The following TRAF3 variants were observed in gnomAD, a reference collection of about 807,000 sequenced individuals.
The protein encoded by TRAF3 is TNF receptor associated factor 3, also known as TNF receptor-associated factor 3.
TRAF3 carries 13 observed loss-of-function variants against 62.3 expected under a neutral mutation model. The observed-to-expected ratio is 0.21, with a 90% CI of 0.14 to 0.33. TRAF3 has a LOEUF of 0.33. Among genes scored for constraint, TRAF3 ranks in the 10% least tolerant of loss-of-function variants. TRAF3 has a pLI of 1.00. For missense variants in TRAF3, 440 were observed against 741.8 expected, an observed-to-expected ratio of 0.59 and a Z score of 4.73; for synonymous variants, 269 against 283.4, an observed-to-expected ratio of 0.95 and a Z score of 0.51.
chr14:102,887,005 A>G (rs1373995627), intron 7 of TRAF3, among the ~76,000 whole-genome samples: 2 of 152,240 alleles, frequency 1.3e-5, no homozygotes, highest in Non-Finnish European at 1.5e-5. Context: ...TAGGGCTGCC[A>G]GAAGGGCCCC....
chr14:102,897,480 T>G lies in TRAF3; in HGVS notation c.960+79T>G, dbSNP rs564534651. 125 of 1,563,486 alleles carry G rather than the reference T, an allele frequency of 8.0e-5. 2 individuals are homozygous for G. In the South Asian group the frequency reaches 1.4e-3, roughly 17 times the overall value. On this transcript the variant is annotated intron_variant, in intron 10 of 11. Coordinates refer to ENST00000392745, the MANE Select transcript of TRAF3 (RefSeq NM_145725.3). Reference sequence around the variant, plus strand: ...TCCCCTTAAGGGTTTCTTAGCAAACTCTTTGAGCTGAGTCCTTGACCTTTG... The same window carrying G: ...TCCCCTTAAGGGTTTCTTAGCAAACGCTTTGAGCTGAGTCCTTGACCTTTG...
In TRAF3 at chr14:102,910,304, G is replaced by C. The variant is rs1308682347; in HGVS notation, c.*4520G>C. On this transcript the variant is annotated 3_prime_UTR_variant, in exon 12 of 12. Coordinates refer to ENST00000392745, the MANE Select transcript of TRAF3 (RefSeq NM_145725.3). The stretch of plus-strand genomic sequence containing the variant: ...TTACTTATTAGACTGCAGAAGGAGA[G>C]CTAGGGAGAGTGGGGGAAGCCCCCT... 1 of 152,296 alleles carries C rather than the reference G, an allele frequency of 6.6e-6. No homozygotes were observed. The highest frequency in any genetic ancestry group is 6.5e-5 in the Admixed American group (1 of 15,288). 9.4% of individuals were successfully genotyped at this position (152,296 alleles called of 1,614,324 possible).
intron 9 of TRAF3, among the ~76,000 whole-genome samples, chr14:102,893,829 G>A (rs1889859152): frequency 6.6e-6 from 1 of 152,198 alleles, no homozygotes; most frequent in South Asian, 2.1e-4. Flanking sequence ...CAGCCAGCTC[G>A]GCTCTGCACG....
intron 2 of TRAF3, among the ~76,000 whole-genome samples, chr14:102,841,817 C>T (rs1032608047): frequency 6.6e-6 from 1 of 151,894 alleles, no homozygotes; most frequent in African/African-American, 2.4e-5. Flanking sequence ...AATTAGCACA[C>T]AAACATTAAA....
rs557112714 is a variant in TRAF3, at chr14:102,802,706, T to TA, written c.-157+25033dup. 1.2e-3 allele frequency among the ~76,000 whole-genome samples: 177 copies of TA among 151,888 alleles called. 2 individuals are homozygous for TA. Among genetic ancestry groups the TA allele is most frequent in the Middle Eastern group, 6.8e-3 (2 of 294 alleles). ...TAGCCGGGTGTGTGGCGGGCGCCTGTAATCCCAGCTACTCAGGAGGCTGAG... is the reference window on the plus strand; with the variant it reads ...TAGCCGGGTGTGTGGCGGGCGCCTGTAAATCCCAGCTACTCAGGAGGCTGAG... On this transcript the variant is annotated intron_variant, in intron 1 of 11. Transcript: ENST00000392745.
At chr14:102,831,685 C>G (rs187756379) in intron 2 of TRAF3, among the ~76,000 whole-genome samples, 16 of 152,276 alleles carry the variant, frequency 1.1e-4, no homozygotes, top group Non-Finnish European at 1.6e-4. Flanking sequence ...GCCCAGAATA[C>G]AAGAGCCTTT....
chr14:102,853,362 G>A (rs888812419), intron 2 of TRAF3, among the ~76,000 whole-genome samples: 2 of 152,080 alleles, frequency 1.3e-5, no homozygotes, highest in Non-Finnish European at 2.9e-5. Context: ...TATGTTCGTG[G>A]TGGTGGTAAG....
intron 10 of TRAF3, among the ~76,000 whole-genome samples, chr14:102,900,644 C>T (rs890932633): frequency 6.6e-6 from 1 of 152,230 alleles, no homozygotes; most frequent in Non-Finnish European, 1.5e-5. Flanking sequence ...CAGGGACGTC[C>T]ATCCACGCGG....
chr14:102,836,736 T>C (rs1398132426), intron 2 of TRAF3, among the ~76,000 whole-genome samples: 1 of 152,250 alleles, frequency 6.6e-6, no homozygotes, highest in African/African-American at 2.4e-5. Flanking sequence ...AAAGAAGTGT[T>C]ACACTACATA....
chr14:102,903,225 T>G lies in TRAF3; in HGVS notation c.961-30T>G. 1.2e-6 allele frequency: 2 copies of G among 1,614,102 alleles called. No individual in the cohort carries two copies. The highest frequency in any genetic ancestry group is 1.7e-6 in the Non-Finnish European group (2 of 1,179,996). ...CAGCATTTTCCGAGTCCTAACTGTG[T>G]TTTGCTTTTTAACACCTTTGGTTTG... On this transcript the variant is annotated intron_variant, in intron 10 of 11. Coordinates refer to ENST00000392745, the MANE Select transcript of TRAF3 (RefSeq NM_145725.3). The surrounding 1 kb of genome is among the most constrained non-coding windows in gnomAD (Gnocchi z 6.4).
intron 1 of TRAF3, among the ~76,000 whole-genome samples, chr14:102,819,882 A>G (rs544953568): frequency 2.6e-5 from 4 of 152,268 alleles, no homozygotes; most frequent in Non-Finnish European, 5.9e-5. Context: ...CAAGTGAGTT[A>G]TGAACATGCT....
chr14:102,873,502 T>C (rs1165275415), intron 4 of TRAF3, among the ~76,000 whole-genome samples: 1 of 152,246 alleles, frequency 6.6e-6, no homozygotes, highest in African/African-American at 2.4e-5. Flanking sequence ...ATCCCTATTT[T>C]TTAATGACAT....
chr14:102,905,754 A>G lies in TRAF3; in HGVS notation c.1677A>G (p.Ile559Met). 6.2e-7 allele frequency: 1 copy of G among 1,613,494 alleles called. No individual in the cohort carries two copies. The highest frequency in any genetic ancestry group is 8.5e-7 in the Non-Finnish European group (1 of 1,179,778). Reference protein sequence around the residue: ...IKDDTIFIKVIVDTSDLPDP With the variant: ...IKDDTIFIKVMVDTSDLPDP ...ATGATACAATTTTTATTAAAGTCAT[A>G]GTGGATACTTCGGATCTGCCCGATC... Residue 559 changes from isoleucine (I) to methionine (M), a missense_variant, in exon 12 of 12, where the codon ATA (isoleucine) becomes ATG (methionine). By Grantham distance (10) the Ile-to-Met change is conservative. This residue lies in a region of TRAF3 where 59 missense variants were observed against 120.9 expected (regional missense o/e 0.49). Transcript: ENST00000392745.
At chr14:102,850,287 A>G (rs924301470) in intron 2 of TRAF3, among the ~76,000 whole-genome samples, 4 of 152,220 alleles carry the variant, frequency 2.6e-5, no homozygotes, top group African/African-American at 9.6e-5. Context: ...ATAATTAGAG[A>G]TGCCTTTCAT....
Position 102,871,001 on chromosome 14 carries a change from G to T in TRAF3, c.245+555G>T, listed in dbSNP as rs1355995490. On this transcript the variant is annotated intron_variant, in intron 3 of 11. Transcript: ENST00000392745. ...CATGAAGGCAGGCTGGAGCTTTACT[G>T]CAGAATAGCATCGGCCAGAAGAGCA... Among the ~76,000 whole-genome samples, 2 of 152,228 alleles carry T rather than the reference G, an allele frequency of 1.3e-5. 1 individual carries two copies. Among genetic ancestry groups the T allele is most frequent in the African/African-American group, 4.8e-5 (2 of 41,460 alleles).
At chr14:102,796,765 C>G (rs533574841) in intron 1 of TRAF3, among the ~76,000 whole-genome samples, 57 of 152,308 alleles carry the variant, frequency 3.7e-4, no homozygotes, top group African/African-American at 1.3e-3. Flanking sequence ...GACCTCTGGT[C>G]TGCATGGTCT....
chr14:102,845,474 A>AT (rs1018775195), intron 2 of TRAF3, among the ~76,000 whole-genome samples: 1 of 151,200 alleles, frequency 6.6e-6, no homozygotes, highest in Non-Finnish European at 1.5e-5. Context: ...AAGTGCTGAG[A>AT]TTACAGGCAT....
intron 1 of TRAF3, among the ~76,000 whole-genome samples, chr14:102,790,000 G>T (rs991338131): frequency 4.6e-5 from 7 of 151,908 alleles, no homozygotes; most frequent in Non-Finnish European, 8.8e-5. Context: ...GCTAATTTTT[G>T]TATTTTTAGT....
At chr14:102,839,620 C>T (rs911776197) in intron 2 of TRAF3, among the ~76,000 whole-genome samples, 12 of 152,286 alleles carry the variant, frequency 7.9e-5, no homozygotes, top group East Asian at 5.8e-4. Context: ...TGGCTGTTTT[C>T]GGTCTACCTC....
Sources: allele counts gnomAD v4.1 joint callset (sites outside exome capture counted in the v4.1 genomes callset), GRCh38; gene constraint gnomAD v4.1.1; regional missense constraint gnomAD v4.1.1; non-coding constraint Gnocchi (gnomAD v3.1); transcripts MANE v1.5; gene names NCBI Gene and HGNC (gene_info 2026-07-23, HGNC 2026-07-21).